Variants in PEBP4 observed in about 807,000 individuals in gnomAD.
The protein encoded by PEBP4 is phosphatidylethanolamine binding protein 4.
In PEBP4, 22 loss-of-function variants were observed where a neutral mutation model predicts 23.9. That is an observed-to-expected ratio of 0.92 (90% CI 0.66 to 1.31). The LOEUF is 1.31. Among genes scored for constraint, PEBP4 ranks in the 40% most tolerant of loss-of-function variants. The pLI is 0.00. For synonymous variants in PEBP4, 112 were observed against 99.3 expected, an observed-to-expected ratio of 1.13 and a Z score of -0.76; for missense variants, 324 against 281.7, an observed-to-expected ratio of 1.15 and a Z score of -1.07.
At chr8:22,859,582 A>G (rs769616947) in intron 3 of PEBP4, among the ~76,000 whole-genome samples, 3 of 152,160 alleles carry the variant, frequency 2.0e-5, no homozygotes, top group Non-Finnish European at 4.4e-5. Context: ...CCCACAGAGT[A>G]CCTGTGACGG....
intron 3 of PEBP4, among the ~76,000 whole-genome samples, chr8:22,856,645 A>G (rs1197483778): frequency 6.6e-6 from 1 of 152,194 alleles, no homozygotes; most frequent in Non-Finnish European, 1.5e-5. Flanking sequence ...TAAGCCCAGA[A>G]GAAGAGGTTT....
intron 3 of PEBP4, among the ~76,000 whole-genome samples, chr8:22,869,973 C>T (rs1396094975): frequency 3.9e-5 from 6 of 152,198 alleles, no homozygotes; most frequent in African/African-American, 1.4e-4. Context: ...CAAGATGAGA[C>T]ATCTGCCTTC....
chr8:22,830,206 T>G (rs1192352915), intron 3 of PEBP4, among the ~76,000 whole-genome samples: 1 of 151,290 alleles, frequency 6.6e-6, no homozygotes, highest in East Asian at 1.9e-4. Context: ...TTCGGCTAAC[T>G]GCAGTCTCCA....
At chr8:22,880,875 T>G (rs974837940) in intron 3 of PEBP4, among the ~76,000 whole-genome samples, 7 of 152,188 alleles carry the variant, frequency 4.6e-5, no homozygotes, top group Non-Finnish European at 1.0e-4. Flanking sequence ...AAGACCTTGA[T>G]GCAGTCCCCA....
chr8:22,852,791 A>C (rs1249972834), intron 3 of PEBP4, among the ~76,000 whole-genome samples: 1 of 152,208 alleles, frequency 6.6e-6, no homozygotes, highest in Non-Finnish European at 1.5e-5. Context: ...TGAGCAATTA[A>C]CAATTAAAAA....
chr8:22,739,269 C>T (rs1234776349), intron 4 of PEBP4, among the ~76,000 whole-genome samples: 1 of 152,210 alleles, frequency 6.6e-6, no homozygotes, highest in Non-Finnish European at 1.5e-5. Context: ...TGCAGGTCAC[C>T]TTGCCCTCCC....
At position 22,727,165 on chromosome 8, in the gene PEBP4, T is replaced by C. The variant is rs779968896; in HGVS notation, c.403+10A>G. On this transcript the variant is annotated intron_variant, in intron 5 of 6. Coordinates refer to ENST00000256404, the MANE Select transcript of PEBP4 (RefSeq NM_144962.3). ...TGGCTGGGGGAAGGGGTCCCTAGGGTCTTACTCACCTGATAACTCCTGGCC... is the reference window on the plus strand; with the variant it reads ...TGGCTGGGGGAAGGGGTCCCTAGGGCCTTACTCACCTGATAACTCCTGGCC... 7 of 1,613,626 alleles carry C rather than the reference T, an allele frequency of 4.3e-6. No individual in the cohort carries two copies. Among genetic ancestry groups the C allele is most frequent in the Non-Finnish European group, 5.9e-6 (7 of 1,179,898 alleles).
At chr8:22,866,642 T>G (rs1807908402) in intron 3 of PEBP4, among the ~76,000 whole-genome samples, 1 of 150,732 alleles carries the variant, frequency 6.6e-6, no homozygotes, top group African/African-American at 2.4e-5. Flanking sequence ...GGGGGTGGGG[T>G]GGGGGGAAGC....
intron 3 of PEBP4, among the ~76,000 whole-genome samples, chr8:22,839,973 T>C (rs1027660880): frequency 3.9e-5 from 6 of 152,224 alleles, no homozygotes; most frequent in Non-Finnish European, 8.8e-5. Context: ...TAAGTGTTCT[T>C]CCAATTTCAA....
chr8:22,750,780 G>A (rs80144231), intron 4 of PEBP4, among the ~76,000 whole-genome samples: 2,919 of 152,260 alleles, frequency 0.019, 101 homozygotes, highest in African/African-American at 0.066. Flanking sequence ...GAGCAAAGGG[G>A]TCAGTCTGTA....
chr8:22,835,904 C>A (rs1196299219), intron 3 of PEBP4, among the ~76,000 whole-genome samples: 1 of 152,226 alleles, frequency 6.6e-6, no homozygotes, highest in African/African-American at 2.4e-5. Context: ...TAATTCAGCT[C>A]CCTGGGGCTC....
At chr8:22,756,487 G>T (rs1458927040) in intron 4 of PEBP4, among the ~76,000 whole-genome samples, 1 of 152,146 alleles carries the variant, frequency 6.6e-6, no homozygotes, top group African/African-American at 2.4e-5. Flanking sequence ...GCATCTCTCC[G>T]CTTCCTCCCT....
chr8:22,718,735 C>T (rs558488820), intron 6 of PEBP4, among the ~76,000 whole-genome samples: 2 of 152,060 alleles, frequency 1.3e-5, no homozygotes, highest in South Asian at 2.1e-4. Context: ...TGGGAGGTCA[C>T]GAGGGTGGGC....
chr8:22,895,893 G>A (rs1000511407), intron 3 of PEBP4: 3 of 152,184 alleles, frequency 2.0e-5, no homozygotes, highest in Admixed American at 1.3e-4. Context: ...CCACATCCTT[G>A]AACCCAGCCT....
chr8:22,790,033 C>T lies in PEBP4; in HGVS notation c.357+27604G>A, dbSNP rs553478658. 3.9e-5 allele frequency among the ~76,000 whole-genome samples: 6 copies of T among 152,292 alleles called. No homozygotes were observed. In the South Asian group the frequency reaches 8.3e-4, roughly 21 times the overall value. ...GGCCCGCTGACCCCCATGGCCGCTCCGTCATCCCTCTCCTGGGCCACTGAA... is the reference window on the plus strand; with the variant it reads ...GGCCCGCTGACCCCCATGGCCGCTCTGTCATCCCTCTCCTGGGCCACTGAA... On this transcript the variant is annotated intron_variant, in intron 4 of 6. Transcript: ENST00000256404.
intron 4 of PEBP4, among the ~76,000 whole-genome samples, chr8:22,728,804 G>A (rs904711674): frequency 1.3e-5 from 2 of 152,084 alleles, no homozygotes; most frequent in Admixed American, 6.6e-5. Flanking sequence ...TACTATGTTG[G>A]TCAGACTGGT....
intron 6 of PEBP4, among the ~76,000 whole-genome samples, chr8:22,720,591 G>T (rs1804498098): frequency 6.6e-6 from 1 of 152,244 alleles, no homozygotes; most frequent in African/African-American, 2.4e-5. Flanking sequence ...GCATGTCACA[G>T]GCCTGAGATA....
intron 3 of PEBP4, among the ~76,000 whole-genome samples, chr8:22,819,335 T>C (rs1244281150): frequency 3.3e-5 from 5 of 152,002 alleles, no homozygotes; most frequent in Non-Finnish European, 7.4e-5. Context: ...TGCTAAAAGG[T>C]AGGGCCAGAT....
intron 3 of PEBP4, among the ~76,000 whole-genome samples, chr8:22,915,397 G>C (rs79587356): frequency 4.3e-4 from 36 of 83,712 alleles, no homozygotes; most frequent in East Asian, 6.3e-4. Context: ...CCCGACCCCC[G>C]ACCCAACCAC....
Sources: allele counts gnomAD v4.1 joint callset (sites outside exome capture counted in the v4.1 genomes callset), GRCh38; gene constraint gnomAD v4.1.1; transcripts MANE v1.5; gene names NCBI Gene and HGNC (gene_info 2026-07-23, HGNC 2026-07-21).